The following AKAP14 variants were observed in gnomAD, a reference collection of about 807,000 sequenced individuals.
AKAP14 encodes A-kinase anchor protein 14.
In AKAP14, 4 loss-of-function variants were observed where a neutral mutation model predicts 17.0. The observed-to-expected ratio is 0.23, with a 90% CI of 0.12 to 0.54. The LOEUF (loss-of-function observed/expected upper bound fraction) is 0.54. Among genes scored for constraint, AKAP14 ranks in the 20% least tolerant of loss-of-function variants. AKAP14 has a pLI of 0.95. For synonymous variants in AKAP14, 42 were observed against 51.3 expected (o/e 0.82, Z 0.77); for missense variants, 129 against 150.9 (o/e 0.85, Z 0.76).
At chrX:119,897,382 A>G (rs918253489) in intron 2 of AKAP14, among the ~76,000 whole-genome samples, 3 of 105,278 alleles carry the variant, frequency 2.8e-5, no homozygotes, top group Admixed American at 1.0e-4. Context: ...GATGGTCTCG[A>G]TCTCCTGACC....
intron 2 of AKAP14, among the ~76,000 whole-genome samples, chrX:119,898,003 TATTTACA>T (rs773326824): frequency 8.9e-6 from 1 of 112,148 alleles, no homozygotes; most frequent in South Asian, 3.7e-4. Context: ...CATATTTTTG[TATTTACA>T]ATACTTTTGT....
chrX:119,919,106 A>G (rs2056674426), intron 5 of AKAP14, among the ~76,000 whole-genome samples: 1 of 112,104 alleles, frequency 8.9e-6, no homozygotes, highest in African/African-American at 3.2e-5. Flanking sequence ...AGACTACACC[A>G]GAGACCACAC....
chrX:119,918,310 C>T (rs1184275977), intron 5 of AKAP14, among the ~76,000 whole-genome samples: 2 of 112,004 alleles, frequency 1.8e-5, no homozygotes. Flanking sequence ...CGGCTCACTG[C>T]AACCTCTGCT....
chrX:119,906,673 A>G (rs1158438194), intron 4 of AKAP14, among the ~76,000 whole-genome samples: 1 of 110,555 alleles, frequency 9.0e-6, no homozygotes, highest in Non-Finnish European at 1.9e-5. Context: ...AGCTGGAATT[A>G]TAGGCACCTG....
At chrX:119,899,408 T>C (rs1302470583) in intron 2 of AKAP14, among the ~76,000 whole-genome samples, 1 of 110,345 alleles carries the variant, frequency 9.1e-6, no homozygotes, top group African/African-American at 3.3e-5. Flanking sequence ...AAGGGTTAAG[T>C]AAGGGAATAT....
At chrX:119,909,485 G>A (rs1308219690) in intron 4 of AKAP14, among the ~76,000 whole-genome samples, 6 of 105,040 alleles carry the variant, frequency 5.7e-5, no homozygotes, top group Non-Finnish European at 9.7e-5. Context: ...CCGAGAAAAC[G>A]CCACTGTACT....
chrX:119,898,572 T>G (rs1276970652), intron 2 of AKAP14, among the ~76,000 whole-genome samples: 87 of 107,768 alleles, frequency 8.1e-4, no homozygotes, highest in Non-Finnish European at 1.4e-3. Context: ...AAGGCAGGTG[T>G]ATCACCTGAG....
rs200450448 is a variant in AKAP14, at chrX:119,903,599, G to A, written c.261+13G>A. On this transcript the variant is annotated intron_variant, in intron 4 of 6. Transcript: ENST00000371431. ...CGAATATTTTTCGGTAAGTTAGGCC[G>A]ACCACTCCAGCATGGTACACCGGTG... 84 of 1,207,991 alleles carry A rather than the reference G, an allele frequency of 7.0e-5. No individual in the cohort carries two copies. Among genetic ancestry groups the A allele is most frequent in the Non-Finnish European group, 9.2e-5 (82 of 894,294 alleles).
chrX:119,905,089 C>T (rs754084287), intron 4 of AKAP14, among the ~76,000 whole-genome samples: 2 of 110,460 alleles, frequency 1.8e-5, no homozygotes, highest in Admixed American at 9.8e-5. Context: ...CATTGTGCTT[C>T]TGTGGAACAG....
Position 119,913,431 on chromosome X carries a change from C to T in AKAP14, c.262-1268C>T, listed in dbSNP as rs999998096. On this transcript the variant is annotated intron_variant, in intron 4 of 6. Coordinates refer to ENST00000371431, the MANE Select transcript of AKAP14 (RefSeq NM_178813.6). Reference sequence around the variant, plus strand: ...ATTTTCCAATTAATTGAACCTGCCTCCTGTGAGGGGGTCTGAAGCAACATC... The same window carrying T: ...ATTTTCCAATTAATTGAACCTGCCTTCTGTGAGGGGGTCTGAAGCAACATC... Among the ~76,000 whole-genome samples, 4 of 112,264 alleles carry T rather than the reference C, an allele frequency of 3.6e-5. No individual in the cohort carries two copies. The Admixed American group carries it at 3.8e-4, about 11-fold the overall frequency.
At chrX:119,920,154 T>C (rs2056680951) in intron 6 of AKAP14, among the ~76,000 whole-genome samples, 191 bp downstream of exon 6, 3 of 111,674 alleles carry the variant, frequency 2.7e-5, no homozygotes, top group Admixed American at 9.7e-5. Flanking sequence ...TTTCATTCAT[T>C]ATAAGCTTGA....
chrX:119,907,621 G>A (rs2056605129), intron 4 of AKAP14, among the ~76,000 whole-genome samples: 1 of 109,002 alleles, frequency 9.2e-6, no homozygotes, highest in Non-Finnish European at 1.9e-5. Flanking sequence ...CCATGGCCGA[G>A]TAAATTTTTT....
chrX:119,900,482 C>T (rs1438012555), intron 2 of AKAP14, among the ~76,000 whole-genome samples: 1 of 112,208 alleles, frequency 8.9e-6, no homozygotes, highest in East Asian at 2.8e-4. Flanking sequence ...GATCTAACCC[C>T]TTGGCCTCCC....
At chrX:119,902,634 A>G (rs780938913) in intron 2 of AKAP14, among the ~76,000 whole-genome samples, 2 of 112,049 alleles carry the variant, frequency 1.8e-5, no homozygotes, top group Non-Finnish European at 3.8e-5. Context: ...GGCACTCCAA[A>G]GAAGTGCTAC....
At chrX:119,916,653 CTT>C (rs34475201) in intron 5 of AKAP14, among the ~76,000 whole-genome samples, 10,557 of 66,411 alleles carry the variant, frequency 0.16, 740 homozygotes, top group South Asian at 0.4. Context: ...CCACGCCTGG[CTT>C]TTTTTTTTTT....
At chrX:119,918,922 C>T (rs1476724348) in intron 5 of AKAP14, among the ~76,000 whole-genome samples, 1 of 112,149 alleles carries the variant, frequency 8.9e-6, no homozygotes, top group Non-Finnish European at 1.9e-5. Context: ...CCATCTATGT[C>T]CTATATTCAT....
chrX:119,911,784 A>T (rs2056628693), intron 4 of AKAP14, among the ~76,000 whole-genome samples: 1 of 110,148 alleles, frequency 9.1e-6, no homozygotes, highest in African/African-American at 3.3e-5. Context: ...CTGCAGTCTT[A>T]AATTCCTGTG....
chrX:119,920,113 T>C, intron 6 of AKAP14, 150 bp downstream of exon 6: 1 of 553,630 alleles, frequency 1.8e-6, no homozygotes, highest in Non-Finnish European at 2.8e-6. Flanking sequence ...CTGAAACTGT[T>C]CTAGAAAATT....
chrX:119,904,913 G>A (rs1024233012), intron 4 of AKAP14, among the ~76,000 whole-genome samples: 8 of 110,281 alleles, frequency 7.3e-5, no homozygotes, highest in Non-Finnish European at 1.1e-4. Context: ...TTAGCCGGGC[G>A]TGGTGGTATG....
Sources: gnomAD v4.1 joint callset for allele counts (sites outside exome capture counted in the v4.1 genomes callset) on GRCh38, gnomAD v4.1.1 for gene constraint, MANE v1.5 for transcripts, NCBI Gene and HGNC (gene_info 2026-07-23, HGNC 2026-07-21) for gene names.